The following BMP6 variants were observed in gnomAD, a reference collection of about 807,000 sequenced individuals.
BMP6 encodes the protein bone morphogenetic protein 6, also known as VG-1-R.
BMP6 carries 17 observed loss-of-function variants against 54.1 expected under a neutral mutation model. That is an observed-to-expected ratio of 0.31 (90% CI 0.22 to 0.47). The LOEUF is 0.47. BMP6 is among the 20% of genes least tolerant of loss of function. The pLI is 1.00. For missense variants in BMP6, 720 were observed against 690.4 expected, an observed-to-expected ratio of 1.04 and a Z score of -0.48; for synonymous variants, 328 against 291.2, an observed-to-expected ratio of 1.13 and a Z score of -1.28.
chr6:7,861,420 T>C, intron 2 of BMP6, 31 bp from the exon 3 acceptor site: 1 of 1,612,362 alleles, frequency 6.2e-7, no homozygotes, highest in Non-Finnish European at 8.5e-7. Flanking sequence ...GGCAGTGCGC[T>C]ATTTACCAGG....
At chr6:7,755,996 C>T (rs529856958) in intron 1 of BMP6, among the ~76,000 whole-genome samples, 4 of 151,980 alleles carry the variant, frequency 2.6e-5, no homozygotes, top group East Asian at 3.9e-4. Flanking sequence ...TATCATGTGC[C>T]TTGGTGTTGT....
intron 5 of BMP6, among the ~76,000 whole-genome samples, chr6:7,879,386 C>T (rs1348018916): frequency 6.6e-6 from 1 of 152,134 alleles, no homozygotes; most frequent in Admixed American, 6.5e-5. Context: ...CTCTGTGATC[C>T]CTCAAAAATC....
intron 4 of BMP6, among the ~76,000 whole-genome samples, chr6:7,878,527 CAG>C (rs1418550584): frequency 6.6e-6 from 1 of 152,196 alleles, no homozygotes; most frequent in African/African-American, 2.4e-5. Flanking sequence ...GGAGTACAGC[CAG>C]AGAGAGCATT....
chr6:7,879,083 G>T lies in BMP6; in HGVS notation c.1214G>T (p.Ser405Ile). The T allele has an allele frequency of 6.2e-7, 1 of 1,614,122 alleles. No individual in the cohort carries two copies. Among genetic ancestry groups the T allele is most frequent in the South Asian group, 1.1e-5 (1 of 91,082 alleles). The change falls in exon 5 of 7, where the codon AGC (serine) becomes ATC (isoleucine). Residue 405 changes from serine (S) to isoleucine (I), a missense_variant. This residue lies in a region of BMP6 where 650 missense variants were observed against 556.3 expected (regional missense o/e 1.17). Coordinates refer to ENST00000283147, the MANE Select transcript of BMP6 (RefSeq NM_001718.6). Reference protein sequence around the residue: ...ARVSSASDYNSSELKTACRKH... With the variant: ...ARVSSASDYNISELKTACRKH... ...TGATCTCCTCCAACAGATTACAACAGCAGTGAATTGAAAACAGCCTGCAGG... is the reference window on the plus strand; with the variant it reads ...TGATCTCCTCCAACAGATTACAACATCAGTGAATTGAAAACAGCCTGCAGG...
chr6:7,835,238 T>G (rs994441284), intron 1 of BMP6, among the ~76,000 whole-genome samples: 28 of 152,302 alleles, frequency 1.8e-4, no homozygotes, highest in African/African-American at 5.5e-4. Context: ...TTCTCCTGCC[T>G]CAGCCTCCCG....
chr6:7,789,169 G>C (rs1383343417), intron 1 of BMP6, among the ~76,000 whole-genome samples: 1 of 152,126 alleles, frequency 6.6e-6, no homozygotes, highest in Non-Finnish European at 1.5e-5. Context: ...CGCACAGCAG[G>C]GATTCTGTAC....
intron 1 of BMP6, among the ~76,000 whole-genome samples, chr6:7,772,482 G>A (rs374481377): frequency 6.6e-6 from 1 of 152,290 alleles, no homozygotes. Context: ...CTCTCTCCCT[G>A]TAGATGGGGC....
chr6:7,778,841 T>C (rs1036723519), intron 1 of BMP6, among the ~76,000 whole-genome samples: 16 of 152,186 alleles, frequency 1.1e-4, no homozygotes, highest in African/African-American at 3.9e-4. Flanking sequence ...GAGGGCACTG[T>C]CTATCATTTC....
intron 1 of BMP6, among the ~76,000 whole-genome samples, chr6:7,741,831 A>G (rs1757269097): frequency 6.6e-6 from 1 of 152,174 alleles, no homozygotes; most frequent in Non-Finnish European, 1.5e-5. Context: ...TGGCTCTGCT[A>G]CCCCTCAGCT....
At chr6:7,872,007 G>A (rs371938880) in intron 4 of BMP6, among the ~76,000 whole-genome samples, 1 of 152,070 alleles carries the variant, frequency 6.6e-6, no homozygotes, top group African/African-American at 2.4e-5. Flanking sequence ...TGGCGGCGGG[G>A]GTGGTGGGGG....
intron 1 of BMP6, among the ~76,000 whole-genome samples, chr6:7,818,706 C>G (rs946250297): frequency 2.6e-5 from 4 of 152,236 alleles, no homozygotes; most frequent in African/African-American, 9.6e-5. Context: ...GTCCTGGAGC[C>G]TTGCCCCGTA....
At chr6:7,820,906 G>A (rs1211947404) in intron 1 of BMP6, among the ~76,000 whole-genome samples, 4 of 152,188 alleles carry the variant, frequency 2.6e-5, no homozygotes, top group African/African-American at 4.8e-5. Flanking sequence ...TTGTGTGCCC[G>A]GTTCACAATA....
intron 1 of BMP6, among the ~76,000 whole-genome samples, chr6:7,834,559 G>T (rs1363532586): frequency 6.6e-6 from 1 of 151,718 alleles, no homozygotes; most frequent in Non-Finnish European, 1.5e-5. Context: ...GAAAAACTAG[G>T]GTGTGGTGAC....
chr6:7,796,543 A>T (rs1200847587), intron 1 of BMP6, among the ~76,000 whole-genome samples: 1 of 152,148 alleles, frequency 6.6e-6, no homozygotes, highest in Non-Finnish European at 1.5e-5. Context: ...ATTTTAACTA[A>T]TTTTTCCTAA....
At chr6:7,761,152 G>T (rs1757607305) in intron 1 of BMP6, among the ~76,000 whole-genome samples, 1 of 152,184 alleles carries the variant, frequency 6.6e-6, no homozygotes, top group South Asian at 2.1e-4. Context: ...ATTTCTCCAA[G>T]ACTATCTTTG....
intron 1 of BMP6, among the ~76,000 whole-genome samples, chr6:7,817,521 C>T (rs549824584): frequency 7.5e-6 from 1 of 133,536 alleles, no homozygotes; most frequent in African/African-American, 2.9e-5. Flanking sequence ...GGGAATTGAA[C>T]AATGAGAACA....
At chr6:7,775,065 T>G (rs554461972) in intron 1 of BMP6, among the ~76,000 whole-genome samples, 26 of 152,308 alleles carry the variant, frequency 1.7e-4, no homozygotes, top group African/African-American at 6.3e-4. Flanking sequence ...ATGGCATTAA[T>G]CCATTCATGA....
chr6:7,854,791 AAAAT>A lies in BMP6; in HGVS notation c.858-6652_858-6649del, dbSNP rs1261839491. On this transcript the variant is annotated intron_variant, in intron 2 of 6. Coordinates refer to ENST00000283147, the MANE Select transcript of BMP6 (RefSeq NM_001718.6). ...GGTGACAGAGCAAGACTCTCTCTCA[AAAAT>A]AAATAAACAGACAAACTAACTAAAT... Among the ~76,000 whole-genome samples, 13 of 152,340 alleles carry A rather than the reference AAAAT, an allele frequency of 8.5e-5. No homozygotes were observed. In the East Asian group the frequency reaches 2.5e-3, roughly 29 times the overall value.
chr6:7,731,047 C>T lies in BMP6; in HGVS notation c.664+3428C>T, dbSNP rs188800711. ...AACAGGATAAATTTCTCTCTCATAG[C>T]GCAAGTGCTGGTCATCCAACCAGCT... On this transcript the variant is annotated intron_variant, in intron 1 of 6. Transcript: ENST00000283147. 3.3e-5 allele frequency among the ~76,000 whole-genome samples: 5 copies of T among 152,228 alleles called. No individual in the cohort carries two copies. In the East Asian group the frequency reaches 9.7e-4, roughly 29 times the overall value.
Sources: gnomAD v4.1 joint callset for allele counts (sites outside exome capture counted in the v4.1 genomes callset) on GRCh38, gnomAD v4.1.1 for gene constraint, gnomAD v4.1.1 regional missense constraint, MANE v1.5 for transcripts, NCBI Gene and HGNC (gene_info 2026-07-23, HGNC 2026-07-21) for gene names.